TEX9: variants seen among roughly 807,000 people sequenced by gnomAD.
TEX9 encodes testis expressed 9, also known as testis-expressed protein 9.
In TEX9, 74 loss-of-function variants were observed where a neutral mutation model predicts 59.6. The ratio of observed to expected loss-of-function variants is 1.24; its 90% CI spans 1.03 to 1.51. TEX9 has a LOEUF of 1.51. TEX9 is among the 40% of genes most tolerant of loss of function. The pLI is 0.00. For missense variants in TEX9, 522 were observed against 447.8 expected, an observed-to-expected ratio of 1.17 and a Z score of -1.49; for synonymous variants, 186 against 152.2, an observed-to-expected ratio of 1.22 and a Z score of -1.64.
intron 1 of TEX9, among the ~76,000 whole-genome samples, chr15:56,259,347 C>T (rs1437301025): frequency 6.6e-6 from 1 of 151,954 alleles, no homozygotes; most frequent in Non-Finnish European, 1.5e-5. Flanking sequence ...TGTCCCTTTA[C>T]AGAAAAAATT....
At chr15:56,426,626 T>TATATATATACATACAC (rs1214988827) in intron 10 of TEX9, among the ~76,000 whole-genome samples, 4 of 47,176 alleles carry the variant, frequency 8.5e-5, no homozygotes, top group Non-Finnish European at 2.0e-4. Flanking sequence ...TATATATATA[T>TATATATATACATACAC]ACACACACAC....
In TEX9 at chr15:56,402,212, T is replaced by C. The variant is rs548777388; in HGVS notation, c.828+7378T>C. 1.6e-3 allele frequency among the ~76,000 whole-genome samples: 241 copies of C among 151,818 alleles called. 2 individuals are homozygous for C. The highest frequency in any genetic ancestry group is 5.6e-3 in the African/African-American group (234 of 41,514). ...CCAGGAGCTGGCTTTTTGAATTTTG[T>C]CTATCAACAAAATTGTTAGACCGCT... On this transcript the variant is annotated intron_variant, in intron 9 of 12. Coordinates refer to ENST00000352903, the Ensembl canonical transcript of TEX9.
upstream of TEX9, among the ~76,000 whole-genome samples, chr15:56,365,148 C>G (rs2046875341): frequency 6.6e-6 from 1 of 152,240 alleles, no homozygotes; most frequent in Non-Finnish European, 1.5e-5. Flanking sequence ...GCCTCACCAG[C>G]TTGCTTTCTA....
chr15:56,379,093 GAAAA>G (rs1288910315), intron 3 of TEX9, among the ~76,000 whole-genome samples: 73 of 127,986 alleles, frequency 5.7e-4, no homozygotes, highest in Middle Eastern at 3.8e-3. Context: ...AAGAAAGAAA[GAAAA>G]AAAAAGAAAA....
At chr15:56,455,060 A>G in the TEX9 span, among the ~76,000 whole-genome samples, 183 of 152,240 alleles carry the variant, frequency 1.2e-3, 1 homozygote, top group African/African-American at 4.0e-3. Flanking sequence ...AAATGCCACT[A>G]CAAATGCCAA....
At chr15:56,332,498 T>C (rs1407578654) in intron 1 of TEX9, among the ~76,000 whole-genome samples, 16 of 149,096 alleles carry the variant, frequency 1.1e-4, no homozygotes, top group Non-Finnish European at 1.9e-4. Context: ...AGGGATAGCA[T>C]TGGGAGATAT....
chr15:56,373,893 G>A (rs531695638), intron 3 of TEX9, among the ~76,000 whole-genome samples: 1 of 152,128 alleles, frequency 6.6e-6, no homozygotes, highest in South Asian at 2.1e-4. Flanking sequence ...AAATGGAGTT[G>A]ATGGAAGCAG....
chr15:56,417,662 G>A (rs144386339), intron 10 of TEX9, among the ~76,000 whole-genome samples: 1 of 151,934 alleles, frequency 6.6e-6, no homozygotes, highest in East Asian at 1.9e-4. Flanking sequence ...AATGTATATT[G>A]TGTTGTTTTT....
At chr15:56,308,928 T>G (rs1220979325) in intron 1 of TEX9, among the ~76,000 whole-genome samples, 1 of 152,206 alleles carries the variant, frequency 6.6e-6, no homozygotes, top group African/African-American at 2.4e-5. Context: ...CTTATGCCAG[T>G]ACTGCACTAT....
At chr15:56,250,924 A>T (rs1298696167) in intron 1 of TEX9, among the ~76,000 whole-genome samples, 1 of 152,242 alleles carries the variant, frequency 6.6e-6, no homozygotes, top group African/African-American at 2.4e-5. Context: ...AGCTTAGAGT[A>T]TGATTTGAAT....
At chr15:56,407,445 G>A (rs111961436) in intron 9 of TEX9, among the ~76,000 whole-genome samples, 102 of 151,980 alleles carry the variant, frequency 6.7e-4, no homozygotes, top group African/African-American at 2.2e-3. Flanking sequence ...TATGTTTTTC[G>A]TGGTATTTGT....
intron 12 of TEX9, among the ~76,000 whole-genome samples, chr15:56,433,628 A>G (rs144734040): frequency 1.8e-3 from 281 of 152,166 alleles, no homozygotes; most frequent in African/African-American, 6.1e-3. Flanking sequence ...TGATCTCCCT[A>G]TCTCCGAGCT....
intron 10 of TEX9, among the ~76,000 whole-genome samples, chr15:56,412,904 T>A (rs1243363540): frequency 4.6e-5 from 7 of 152,220 alleles, no homozygotes; most frequent in Non-Finnish European, 7.4e-5. Context: ...TCCCCAGAAT[T>A]TCTGATTTAA....
intron 1 of TEX9, among the ~76,000 whole-genome samples, chr15:56,267,729 A>G (rs1173075425): frequency 6.6e-6 from 1 of 152,060 alleles, no homozygotes; most frequent in Non-Finnish European, 1.5e-5. Flanking sequence ...TGTTTACTGT[A>G]GGGTTGTAGT....
At chr15:56,309,693 G>GTTTATTTTTT (rs1290352080) in intron 1 of TEX9, among the ~76,000 whole-genome samples, 4 of 60,772 alleles carry the variant, frequency 6.6e-5, no homozygotes, top group African/African-American at 1.5e-4. Flanking sequence ...TTTATGGGAA[G>GTTTATTTTTT]TTTTTTTTTT....
At chr15:56,329,723 C>G (rs563578920) in intron 1 of TEX9, among the ~76,000 whole-genome samples, 2 of 151,930 alleles carry the variant, frequency 1.3e-5, no homozygotes, top group Non-Finnish European at 2.9e-5. Flanking sequence ...TGAAGCTGGG[C>G]TATTTGAAAA....
At chr15:56,375,255 C>G (rs1423901224) in intron 3 of TEX9, among the ~76,000 whole-genome samples, 1 of 152,178 alleles carries the variant, frequency 6.6e-6, no homozygotes, top group Non-Finnish European at 1.5e-5. Context: ...TTGCATTTCT[C>G]TGATAGCCAG....
intron 3 of TEX9, among the ~76,000 whole-genome samples, chr15:56,377,197 A>C (rs1961489): frequency 0.45 from 68,049 of 151,838 alleles, 15,403 homozygotes; most frequent in South Asian, 0.6. Context: ...GTGATTTCTC[A>C]AGTTTTGTTC....
intron 1 of TEX9, among the ~76,000 whole-genome samples, chr15:56,251,247 C>T (rs538034497): frequency 6.6e-5 from 10 of 152,122 alleles, no homozygotes; most frequent in African/African-American, 2.2e-4. Context: ...TTGTTTTCTC[C>T]GTTTAAAATG....
Sources: allele counts gnomAD v4.1 joint callset (sites outside exome capture counted in the v4.1 genomes callset), GRCh38; gene constraint gnomAD v4.1.1; transcripts MANE v1.5; gene names NCBI Gene and HGNC (gene_info 2026-07-23, HGNC 2026-07-21).